The following SYNPR variants were observed in gnomAD, a reference collection of about 807,000 sequenced individuals.
The protein encoded by SYNPR is synaptoporin.
Under a neutral mutation model 32.9 loss-of-function variants are expected in SYNPR, and 23 were observed. That is an observed-to-expected ratio of 0.70 (90% CI 0.50 to 0.99). The LOEUF (loss-of-function observed/expected upper bound fraction) is 0.99, where lower values mean the gene tolerates loss of function less well. Ranked by LOEUF, SYNPR falls within the 50% of genes least tolerant of loss-of-function variation. The probability of loss-of-function intolerance (pLI) is 0.00; values close to 1 mark genes in which losing one functional copy is unlikely to be tolerated. For missense variants in SYNPR, 318 were observed against 349.3 expected (o/e 0.91, Z 0.71); for synonymous variants, 146 against 135.9 (o/e 1.07, Z -0.52).
chr3:63,218,938 C>G, the SYNPR span, among the ~76,000 whole-genome samples: 1 of 152,148 alleles, frequency 6.6e-6, no homozygotes, highest in African/African-American at 2.4e-5. Context: ...ATTTATGGAG[C>G]ACTAGGTATG....
chr3:63,234,045 C>T (rs561190032), intron 1 of SYNPR, among the ~76,000 whole-genome samples: 16 of 152,254 alleles, frequency 1.1e-4, no homozygotes, highest in African/African-American at 3.4e-4. Flanking sequence ...TCCGTTTTCA[C>T]ACTGCTGATA....
At chr3:63,453,599 T>C (rs1230937879) in intron 2 of SYNPR, among the ~76,000 whole-genome samples, 1 of 152,134 alleles carries the variant, frequency 6.6e-6, no homozygotes, top group Non-Finnish European at 1.5e-5. Context: ...AAACATTAAA[T>C]GACATCTAAA....
chr3:63,227,385 A>T (rs1460234654), upstream of SYNPR, among the ~76,000 whole-genome samples: 2 of 152,336 alleles, frequency 1.3e-5, no homozygotes, highest in East Asian at 3.9e-4. Context: ...CCCATCTACA[A>T]CAAGTAGGAT....
intron 1 of SYNPR, among the ~76,000 whole-genome samples, chr3:63,248,105 C>T (rs1323884532): frequency 6.6e-6 from 1 of 152,094 alleles, no homozygotes; most frequent in African/African-American, 2.4e-5. Context: ...TATTAAGTAG[C>T]AGTTCCAGAA....
chr3:63,380,884 G>C (rs560952989), intron 2 of SYNPR, among the ~76,000 whole-genome samples: 4 of 152,194 alleles, frequency 2.6e-5, no homozygotes, highest in African/African-American at 9.6e-5. Context: ...AGTAAATTAG[G>C]TATTGATGGG....
At chr3:63,474,218 T>G (rs1455009993) in intron 2 of SYNPR, among the ~76,000 whole-genome samples, 2 of 152,188 alleles carry the variant, frequency 1.3e-5, no homozygotes, top group Non-Finnish European at 2.9e-5. Flanking sequence ...TCACACTGTT[T>G]GAAAGCTGCC....
chr3:63,444,144 G>A (rs1236525936), intron 2 of SYNPR: 2 of 152,192 alleles, frequency 1.3e-5, no homozygotes, highest in African/African-American at 4.8e-5. Context: ...TCTGTCAGAT[G>A]CCCAGTCCGG....
intron 2 of SYNPR, among the ~76,000 whole-genome samples, chr3:63,352,290 T>A (rs1289110449): frequency 6.6e-6 from 1 of 152,160 alleles, no homozygotes; most frequent in Non-Finnish European, 1.5e-5. Flanking sequence ...TTGAAAATCC[T>A]CTCACCCAGT....
At chr3:63,606,417 C>CTTTTTTTTTTTTTTTTGTTTTTTTTT (rs1700121039) in intron 4 of SYNPR, among the ~76,000 whole-genome samples, 1 of 68,300 alleles carries the variant, frequency 1.5e-5, no homozygotes, top group Non-Finnish European at 2.9e-5. Context: ...CAAATCCTTT[C>CTTTTTTTTTTTTTTTTGTTTTTTTTT]TTTTTTTTTT....
upstream of SYNPR, among the ~76,000 whole-genome samples, chr3:63,276,866 C>T (rs1276882264): frequency 2.0e-5 from 3 of 150,690 alleles, no homozygotes; most frequent in East Asian, 2.0e-4. Flanking sequence ...TACTGATTTC[C>T]GTATTTCTCA....
In SYNPR at chr3:63,270,509, T is replaced by A. The variant is rs76824307; in HGVS notation, n.287+3060T>A. Among the ~76,000 whole-genome samples the A allele has an allele frequency of 3.9e-5, 6 of 152,326 alleles. No individual in the cohort carries two copies. In the East Asian group the frequency reaches 1.2e-3, roughly 29 times the overall value. On this transcript the variant is annotated intron_variant and non_coding_transcript_variant, in intron 3 of 4. Transcript: ENST00000478456. ...ATTTAATTAGGCAGTTGGGACTGAC[T>A]GGTAGCTAAATAAAAGCCTCATCAA...
At chr3:63,369,414 A>C (rs555749746) in intron 2 of SYNPR, among the ~76,000 whole-genome samples, 1 of 152,358 alleles carries the variant, frequency 6.6e-6, no homozygotes, top group South Asian at 2.1e-4. Context: ...AGTATAGGGA[A>C]AGTAGATCTC....
intron 3 of SYNPR, 130 bp downstream of exon 3, chr3:63,481,086 G>A (rs1701038134): frequency 3.1e-6 from 4 of 1,290,766 alleles, no homozygotes; most frequent in Non-Finnish European, 4.2e-6. Context: ...TGCACCCACG[G>A]AATGCCCAAA....
intron 2 of SYNPR, among the ~76,000 whole-genome samples, chr3:63,253,659 A>G (rs1404164916): frequency 6.6e-6 from 1 of 152,202 alleles, no homozygotes; most frequent in African/African-American, 2.4e-5. Context: ...TTAAAAAGTC[A>G]GGAAACTACA....
chr3:63,469,890 T>A (rs1700763618), intron 2 of SYNPR, among the ~76,000 whole-genome samples: 1 of 151,622 alleles, frequency 6.6e-6, no homozygotes, highest in Non-Finnish European at 1.5e-5. Context: ...CCAAAGGGAG[T>A]GGATTTCTTT....
rs544577293 is a variant in SYNPR at position 63,298,022 on chromosome 3, A to G, written c.84+19280A>G. On this transcript the variant is annotated intron_variant, in intron 2 of 5. Transcript: ENST00000478300. ...TCCCAAGCAGCAAGGAATTATAGGA[A>G]AGCGGGCTAGGGAACTATAGCTGGT... 3.3e-5 allele frequency among the ~76,000 whole-genome samples: 5 copies of G among 152,248 alleles called. No homozygotes were observed. The South Asian group carries it at 1.0e-3, about 32-fold the overall frequency.
intron 2 of SYNPR, among the ~76,000 whole-genome samples, chr3:63,284,405 A>G (rs1047588643): frequency 1.3e-5 from 2 of 152,144 alleles, no homozygotes; most frequent in Admixed American, 1.3e-4. Flanking sequence ...TTCTGTGCCT[A>G]TGGAATAAAC....
chr3:63,280,392 T>A (rs2086617411), intron 2 of SYNPR, among the ~76,000 whole-genome samples: 1 of 152,168 alleles, frequency 6.6e-6, no homozygotes, highest in South Asian at 2.1e-4. Context: ...CTTATCCATG[T>A]TATAATTGGA....
chr3:63,609,121 G>A lies in SYNPR; in HGVS notation c.409-4G>A, dbSNP rs573036177. On this transcript the variant is annotated splice_polypyrimidine_tract_variant and splice_region_variant and intron_variant, in intron 4 of 5. Coordinates refer to ENST00000478300, the MANE Select transcript of SYNPR (RefSeq NM_001130003.2). ...CCATTTTCTATTCTGATTTGTTTCT[G>A]TAGGACTTCATTGTCACTGTAGTCT... 3 of 1,598,106 alleles carry A rather than the reference G, an allele frequency of 1.9e-6. No individual in the cohort carries two copies. Among genetic ancestry groups the A allele is most frequent in the Non-Finnish European group, 2.6e-6 (3 of 1,172,646 alleles).
Sources: allele counts gnomAD v4.1 joint callset (sites outside exome capture counted in the v4.1 genomes callset), GRCh38; gene constraint gnomAD v4.1.1; transcripts MANE v1.5; gene names NCBI Gene and HGNC (gene_info 2026-07-23, HGNC 2026-07-21).